Variants in CACNB4 observed in about 807,000 individuals in gnomAD.
CACNB4 encodes the protein voltage-dependent L-type calcium channel subunit beta-4.
Under a neutral mutation model 71.2 loss-of-function variants are expected in CACNB4, and 32 were observed. The ratio of observed to expected loss-of-function variants is 0.45; its 90% CI spans 0.34 to 0.60. The LOEUF (loss-of-function observed/expected upper bound fraction) is 0.60, where lower values mean the gene tolerates loss of function less well. Ranked by LOEUF, CACNB4 falls within the 20% of genes least tolerant of loss-of-function variation. The pLI is 0.01. For missense variants in CACNB4, 464 were observed against 647.9 expected (o/e 0.72, Z 3.08); for synonymous variants, 231 against 236.9 (o/e 0.97, Z 0.23).
intron 2 of CACNB4, among the ~76,000 whole-genome samples, chr2:151,924,235 C>G (rs1402855605): frequency 6.6e-6 from 1 of 151,380 alleles, no homozygotes; most frequent in African/African-American, 2.4e-5. Flanking sequence ...CCCACTACCA[C>G]TCCCGGCTAA....
Position 151,875,610 on chromosome 2 carries a change from G to A in CACNB4, c.521+816C>T, listed in dbSNP as rs537626305. On this transcript the variant is annotated intron_variant, in intron 5 of 13. Coordinates refer to ENST00000539935, the MANE Select transcript of CACNB4 (RefSeq NM_000726.5). ...CCTCACCTCCCGGACGGGGCGGCTC[G>A]CCAGGCAGGGGGCTGACCCCTCCAC... Among the ~76,000 whole-genome samples, 778 of 145,330 alleles carry A rather than the reference G, an allele frequency of 5.4e-3. 37 individuals are homozygous for A. The highest frequency in any genetic ancestry group is 0.019 in the African/African-American group (717 of 37,052).
chr2:151,966,857 T>A (rs575387460), intron 2 of CACNB4, among the ~76,000 whole-genome samples: 1 of 152,236 alleles, frequency 6.6e-6, no homozygotes, highest in South Asian at 2.1e-4. Flanking sequence ...ATATATCTGA[T>A]TTTAAGGGCT....
At chr2:152,008,097 C>G (rs1271834278) in intron 2 of CACNB4, among the ~76,000 whole-genome samples, 1 of 151,954 alleles carries the variant, frequency 6.6e-6, no homozygotes, top group Non-Finnish European at 1.5e-5. Context: ...TGAGGAACTC[C>G]TGTACTCTTT....
At chr2:151,961,933 C>T (rs553552221) in intron 2 of CACNB4, among the ~76,000 whole-genome samples, 23 of 152,252 alleles carry the variant, frequency 1.5e-4, no homozygotes, top group Admixed American at 4.6e-4. Flanking sequence ...TGCATGCTTT[C>T]ATCAACTTGT....
chr2:151,881,551 G>A (rs749696794), intron 3 of CACNB4, among the ~76,000 whole-genome samples: 61 of 152,144 alleles, frequency 4.0e-4, no homozygotes, highest in Admixed American at 1.4e-3. Context: ...CAGCACTGTG[G>A]GGACACGTAA....
At chr2:152,014,778 TA>T (rs1014732148) in intron 2 of CACNB4, among the ~76,000 whole-genome samples, 141 of 151,934 alleles carry the variant, frequency 9.3e-4, no homozygotes, top group African/African-American at 3.0e-3. Flanking sequence ...AAAACTGTCT[TA>T]AAAAAAAGTC....
At chr2:151,950,990 G>A (rs2099866791) in intron 2 of CACNB4, among the ~76,000 whole-genome samples, 2 of 152,114 alleles carry the variant, frequency 1.3e-5, no homozygotes, top group African/African-American at 4.8e-5. Context: ...CTGGCTGGAG[G>A]CTGGAGTGCA....
intron 5 of CACNB4, chr2:151,874,790 A>C: frequency 5.1e-6 from 2 of 392,644 alleles, no homozygotes; most frequent in Non-Finnish European, 9.0e-6. Context: ...AGGCTGCGAC[A>C]CAATACATGC....
At chr2:152,082,775 A>C (rs1018959297) in intron 2 of CACNB4, among the ~76,000 whole-genome samples, 2 of 152,198 alleles carry the variant, frequency 1.3e-5, no homozygotes, top group Admixed American at 6.5e-5. Flanking sequence ...ATATTTTCCC[A>C]TTAAAATAAA....
At chr2:151,906,649 TAA>T (rs1396049237) in intron 2 of CACNB4, among the ~76,000 whole-genome samples, 1 of 152,188 alleles carries the variant, frequency 6.6e-6, no homozygotes, top group Non-Finnish European at 1.5e-5. Context: ...GCTTATGATT[TAA>T]AGGGTGAAAC....
intron 2 of CACNB4, among the ~76,000 whole-genome samples, chr2:151,885,219 C>A (rs1186027738): frequency 6.6e-6 from 1 of 152,210 alleles, no homozygotes; most frequent in South Asian, 2.1e-4. Context: ...GTTACTGGAC[C>A]ACTCTGAGAC....
intron 2 of CACNB4, among the ~76,000 whole-genome samples, chr2:152,035,676 TGTA>T (rs1209170923): frequency 6.6e-6 from 1 of 151,290 alleles, no homozygotes. Context: ...TATGTATGTA[TGTA>T]TTAAGATGCA....
chr2:151,881,177 T>G (rs2099847728), intron 3 of CACNB4, among the ~76,000 whole-genome samples: 2 of 152,258 alleles, frequency 1.3e-5, no homozygotes, highest in Admixed American at 6.5e-5. Flanking sequence ...TCTAAAGTAT[T>G]AAGAGGGATA....
chr2:151,842,076 C>T lies in CACNB4; in HGVS notation c.1129G>A (p.Val377Ile), dbSNP rs1002573933. Residue 377 changes from valine (V) to isoleucine (I), a missense_variant, in exon 13 of 14, where the codon GTT (valine) becomes ATT (isoleucine). This residue lies in a region of CACNB4 where 299 missense variants were observed against 471.7 expected (regional missense o/e 0.63). Transcript: ENST00000539935. ...LAQCPPEMFDVILDENQLEDA... is the reference protein window; with the variant it reads ...LAQCPPEMFDIILDENQLEDA... ...TCAAGCTGATTTTCATCCAATATAACATCAAACATTTCCTGTAGATGACAA... is the reference window on the plus strand; with the variant it reads ...TCAAGCTGATTTTCATCCAATATAATATCAAACATTTCCTGTAGATGACAA... 2.5e-6 allele frequency: 4 copies of T among 1,613,544 alleles called. No individual in the cohort carries two copies. Among genetic ancestry groups the T allele is most frequent in the Non-Finnish European group, 2.5e-6 (3 of 1,179,718 alleles).
chr2:151,882,039 C>T (rs2099848000), intron 3 of CACNB4, among the ~76,000 whole-genome samples: 1 of 151,824 alleles, frequency 6.6e-6, no homozygotes, highest in East Asian at 1.9e-4. Flanking sequence ...CACCACCACG[C>T]CCAGCTATTT....
chr2:151,886,615 G>A (rs1047805156), intron 2 of CACNB4, among the ~76,000 whole-genome samples: 4 of 152,170 alleles, frequency 2.6e-5, no homozygotes, highest in African/African-American at 9.7e-5. Flanking sequence ...GATATTGGTA[G>A]AGGGAAAAAT....
chr2:152,077,471 T>C (rs911204790), intron 2 of CACNB4, among the ~76,000 whole-genome samples: 13 of 152,184 alleles, frequency 8.5e-5, no homozygotes, highest in African/African-American at 2.9e-4. Flanking sequence ...GAGAATCACT[T>C]GAACCCGGGA....
At chr2:151,934,604 C>A (rs948563290) in intron 2 of CACNB4, among the ~76,000 whole-genome samples, 2 of 152,072 alleles carry the variant, frequency 1.3e-5, no homozygotes, top group East Asian at 1.9e-4. Flanking sequence ...TTTGGGAGGC[C>A]GAGGTGGGCG....
intron 2 of CACNB4, among the ~76,000 whole-genome samples, chr2:152,070,737 C>T (rs1313971571): frequency 6.6e-6 from 1 of 152,194 alleles, no homozygotes; most frequent in Non-Finnish European, 1.5e-5. Context: ...TTGGCACATC[C>T]TAATCTGCAT....
Sources: gnomAD v4.1 joint callset for allele counts (sites outside exome capture counted in the v4.1 genomes callset) on GRCh38, gnomAD v4.1.1 for gene constraint, gnomAD v4.1.1 regional missense constraint, MANE v1.5 for transcripts, NCBI Gene and HGNC (gene_info 2026-07-23, HGNC 2026-07-21) for gene names.